Variants in DLC1 observed in about 807,000 individuals in gnomAD.
The protein encoded by DLC1 is DLC1 Rho GTPase activating protein, also known as rho GTPase-activating protein 7.
In DLC1, 54 loss-of-function variants were observed where a neutral mutation model predicts 140.3. The ratio of observed to expected loss-of-function variants is 0.38; its 90% CI spans 0.31 to 0.48. The LOEUF (loss-of-function observed/expected upper bound fraction) is 0.48. DLC1 is among the 20% of genes least tolerant of loss of function. DLC1 has a pLI of 0.96. For synonymous variants in DLC1, 986 were observed against 728.1 expected (o/e 1.35, Z -5.70); for missense variants, 2,536 against 1,907.0 (o/e 1.33, Z -6.14).
chr8:13,491,965 G>C (rs1337880854), intron 2 of DLC1, among the ~76,000 whole-genome samples: 6 of 152,186 alleles, frequency 3.9e-5, no homozygotes, highest in Admixed American at 3.9e-4. Flanking sequence ...TGCTCAGTGA[G>C]CTACATTTTA....
intron 3 of DLC1, among the ~76,000 whole-genome samples, chr8:13,400,242 G>T (rs1837234443): frequency 6.6e-6 from 1 of 152,084 alleles, no homozygotes; most frequent in Admixed American, 6.6e-5. Flanking sequence ...GGGGAAGGAA[G>T]GAGAACTGAC....
At chr8:13,428,761 C>G (rs1191619240) in intron 2 of DLC1, among the ~76,000 whole-genome samples, 2 of 152,238 alleles carry the variant, frequency 1.3e-5, no homozygotes, top group Non-Finnish European at 2.9e-5. Flanking sequence ...GGTGGAACTA[C>G]ATGCTTGCTG....
intron 2 of DLC1, among the ~76,000 whole-genome samples, chr8:13,458,388 T>C (rs552748201): frequency 6.6e-6 from 1 of 152,312 alleles, no homozygotes; most frequent in South Asian, 2.1e-4. Flanking sequence ...ACAGAATTCT[T>C]AACTCCCAGC....
intron 5 of DLC1, among the ~76,000 whole-genome samples, chr8:13,247,987 T>A (rs887496973): frequency 6.6e-6 from 1 of 152,232 alleles, no homozygotes; most frequent in Non-Finnish European, 1.5e-5. Flanking sequence ...TTTTACAGCT[T>A]GAAACCATGC....
intron 5 of DLC1, among the ~76,000 whole-genome samples, chr8:13,193,667 T>G (rs1400688657): frequency 6.6e-6 from 1 of 152,126 alleles, no homozygotes; most frequent in Non-Finnish European, 1.5e-5. Context: ...CCAAAAAAGC[T>G]CTGGCCAGAA....
chr8:13,568,631 C>G (rs2117404493), intron 1 of DLC1, among the ~76,000 whole-genome samples: 1 of 151,952 alleles, frequency 6.6e-6, no homozygotes, highest in South Asian at 2.1e-4. Flanking sequence ...TTGAGAAATG[C>G]CAATTAATGG....
chr8:13,582,878 C>CTCTA (rs1805160191), intron 1 of DLC1, among the ~76,000 whole-genome samples: 1 of 103,062 alleles, frequency 9.7e-6, no homozygotes, highest in African/African-American at 3.5e-5. Context: ...ATACTGTGGT[C>CTCTA]TATATATATA....
At chr8:13,329,685 C>T (rs541159541) in intron 4 of DLC1, among the ~76,000 whole-genome samples, 15 of 152,232 alleles carry the variant, frequency 9.9e-5, no homozygotes, top group African/African-American at 2.6e-4. Flanking sequence ...TTCTGATATA[C>T]ATTATGATTT....
intron 1 of DLC1, among the ~76,000 whole-genome samples, chr8:13,506,250 C>T (rs1048709098): frequency 9.9e-5 from 15 of 151,924 alleles, no homozygotes; most frequent in African/African-American, 1.9e-4. Flanking sequence ...TAAATGAACA[C>T]GCTATTGACT....
intron 1 of DLC1, among the ~76,000 whole-genome samples, chr8:13,544,700 C>G (rs1034285309): frequency 3.3e-5 from 5 of 152,188 alleles, no homozygotes; most frequent in Admixed American, 2.0e-4. Context: ...AAGTTAAGTC[C>G]GATCGGTATA....
At chr8:13,576,394 A>G (rs1285029916) in intron 1 of DLC1, among the ~76,000 whole-genome samples, 1 of 152,212 alleles carries the variant, frequency 6.6e-6, no homozygotes, top group African/African-American at 2.4e-5. Flanking sequence ...TTGAGAGGAC[A>G]CAATTCCAGA....
intron 1 of DLC1, among the ~76,000 whole-genome samples, chr8:13,565,676 A>G (rs914617695): frequency 1.7e-4 from 26 of 152,122 alleles, no homozygotes; most frequent in Admixed American, 6.6e-4. Context: ...AATACCCCCC[A>G]ATCCCCAAGA....
chr8:13,148,885 C>G (rs1290065231), intron 5 of DLC1, among the ~76,000 whole-genome samples: 1 of 152,108 alleles, frequency 6.6e-6, no homozygotes, highest in Non-Finnish European at 1.5e-5. Context: ...CTCCGCCTCC[C>G]AGGTTCACAC....
rs563546689 is a variant in DLC1, at chr8:13,099,974, T to C, written c.2363A>G (p.Asn788Ser). The C allele has an allele frequency of 1.6e-4, 252 of 1,612,746 alleles. 6 individuals carry two copies. The South Asian group carries it at 2.6e-3, about 17-fold the overall frequency. The change falls in exon 9 of 18, where the codon AAC becomes AGC. Residue 788 changes from asparagine to serine, a missense_variant. Physicochemically the swap from Asn to Ser is conservative, Grantham distance 46. Coordinates refer to ENST00000276297, the MANE Select transcript of DLC1 (RefSeq NM_182643.3). ...GFDPFNQSTF[N>S]NVVEQNFKNR... ...CTTAAAGTTCTGCTCCACCACGTTG[T>C]TAAATGTTGACTGATTGAAAGGATC...
chr8:13,120,304 C>G (rs913297280), intron 5 of DLC1, among the ~76,000 whole-genome samples: 2 of 123,324 alleles, frequency 1.6e-5, no homozygotes, highest in African/African-American at 5.7e-5. Context: ...GATTGGGTCA[C>G]TGCACTCCAA....
chr8:13,317,875 A>G (rs1832919643), intron 4 of DLC1, among the ~76,000 whole-genome samples: 1 of 152,156 alleles, frequency 6.6e-6, no homozygotes, highest in African/African-American at 2.4e-5. Context: ...TTTTGTGAAT[A>G]ACTAGGAAAA....
intron 4 of DLC1, among the ~76,000 whole-genome samples, chr8:13,361,494 G>A (rs533304210): frequency 1.3e-5 from 2 of 152,030 alleles, no homozygotes; most frequent in South Asian, 2.1e-4. Flanking sequence ...TTGCATTGCT[G>A]TTCTCAAGCT....
intron 1 of DLC1, among the ~76,000 whole-genome samples, chr8:13,579,201 C>A (rs867222366): frequency 8.0e-6 from 1 of 124,630 alleles, no homozygotes; most frequent in Non-Finnish European, 1.6e-5. Flanking sequence ...CTCCTAGCAC[C>A]GCCGCATAAA....
intron 5 of DLC1, among the ~76,000 whole-genome samples, chr8:13,202,195 C>T (rs949666215): frequency 6.6e-6 from 1 of 152,054 alleles, no homozygotes; most frequent in African/African-American, 2.4e-5. Flanking sequence ...CCACCGGCCT[C>T]GGCCTCCTAA....
Sources: gnomAD v4.1 joint callset for allele counts (sites outside exome capture counted in the v4.1 genomes callset) on GRCh38, gnomAD v4.1.1 for gene constraint, MANE v1.5 for transcripts, NCBI Gene and HGNC (gene_info 2026-07-23, HGNC 2026-07-21) for gene names.